KHDRBS3: variants seen among roughly 807,000 people sequenced by gnomAD.
KHDRBS3 encodes the protein KH domain-containing, RNA-binding, signal transduction-associated protein 3.
Under a neutral mutation model 45.6 loss-of-function variants are expected in KHDRBS3, and 23 were observed. The ratio of observed to expected loss-of-function variants is 0.50; its 90% CI spans 0.36 to 0.72. The LOEUF is 0.72. KHDRBS3 is among the 30% of genes least tolerant of loss of function. KHDRBS3 has a pLI of 0.00. For synonymous variants in KHDRBS3, 162 were observed against 156.5 expected, an observed-to-expected ratio of 1.04 and a Z score of -0.26; for missense variants, 352 against 424.8, an observed-to-expected ratio of 0.83 and a Z score of 1.51.
intron 7 of KHDRBS3, among the ~76,000 whole-genome samples, chr8:135,610,151 G>C (rs904758987): frequency 4.6e-5 from 7 of 151,892 alleles, no homozygotes; most frequent in African/African-American, 7.3e-5. Context: ...GCTGTGATCT[G>C]TCAAGGAGAG....
intron 3 of KHDRBS3, among the ~76,000 whole-genome samples, chr8:135,544,169 A>G (rs530567304): frequency 6.6e-6 from 1 of 152,274 alleles, no homozygotes; most frequent in South Asian, 2.1e-4. Context: ...GGGCTGCACG[A>G]TATGAGCAGT....
intron 5 of KHDRBS3, among the ~76,000 whole-genome samples, chr8:135,563,590 C>T (rs192512879): frequency 6.6e-6 from 1 of 152,324 alleles, no homozygotes; most frequent in East Asian, 1.9e-4. Flanking sequence ...ATGTGTCCCT[C>T]GTACCTTGCA....
At chr8:135,546,662 A>T (rs1011862761) in intron 3 of KHDRBS3, among the ~76,000 whole-genome samples, 1 of 152,178 alleles carries the variant, frequency 6.6e-6, no homozygotes, top group Non-Finnish European at 1.5e-5. Context: ...TAACTCCTTT[A>T]TTACTATAAC....
chr8:135,558,396 A>T (rs1054182111), intron 5 of KHDRBS3, among the ~76,000 whole-genome samples: 2 of 152,234 alleles, frequency 1.3e-5, no homozygotes, highest in Non-Finnish European at 2.9e-5. Context: ...CAATTAAACT[A>T]ATGACTATGG....
Position 135,484,534 on chromosome 8 carries a change from G to A in KHDRBS3, c.88+26580G>A, listed in dbSNP as rs577295691. 5.9e-5 allele frequency among the ~76,000 whole-genome samples: 9 copies of A among 152,336 alleles called. No homozygotes were observed. The East Asian group carries it at 9.7e-4, about 16-fold the overall frequency. ...AGTTTCCAGCGGTTGCTCACAACCC[G>A]CCTCTGTGTCTAAAACTTCACCTTT... On this transcript the variant is annotated intron_variant, in intron 1 of 8. Transcript: ENST00000355849.
At chr8:135,482,249 T>C (rs1224915073) in intron 1 of KHDRBS3, among the ~76,000 whole-genome samples, 1 of 152,214 alleles carries the variant, frequency 6.6e-6, no homozygotes, top group Non-Finnish European at 1.5e-5. Flanking sequence ...TAACTTATTA[T>C]AGTGGCTAAA....
intron 7 of KHDRBS3, among the ~76,000 whole-genome samples, chr8:135,620,845 C>T (rs1830109168): frequency 6.6e-6 from 1 of 152,092 alleles, no homozygotes; most frequent in Admixed American, 6.5e-5. Flanking sequence ...TGTCCTCCAG[C>T]GGAACCTGCT....
downstream of KHDRBS3, among the ~76,000 whole-genome samples, chr8:135,651,826 C>G (rs1029549106): frequency 2.6e-5 from 4 of 152,110 alleles, no homozygotes; most frequent in Non-Finnish European, 5.9e-5. Flanking sequence ...CAAGATGATT[C>G]CTAACAGGCA....
At chr8:135,574,372 G>C (rs73712073) in intron 5 of KHDRBS3, among the ~76,000 whole-genome samples, 3 of 152,020 alleles carry the variant, frequency 2.0e-5, no homozygotes, top group African/African-American at 7.3e-5. Flanking sequence ...ATAGATAAGC[G>C]TCCAGAACAA....
intron 5 of KHDRBS3, among the ~76,000 whole-genome samples, chr8:135,581,433 A>C (rs1350887087): frequency 1.3e-5 from 2 of 152,124 alleles, no homozygotes; most frequent in Admixed American, 6.5e-5. Flanking sequence ...GAATTTTGGC[A>C]TATATTTTGG....
chr8:135,512,066 G>A (rs1327536636), intron 1 of KHDRBS3, among the ~76,000 whole-genome samples: 1 of 152,016 alleles, frequency 6.6e-6, no homozygotes, highest in Non-Finnish European at 1.5e-5. Context: ...ATCTAGTTTG[G>A]GTAGTTATAG....
chr8:135,505,642 G>T (rs1563728642), intron 1 of KHDRBS3, among the ~76,000 whole-genome samples: 1 of 152,046 alleles, frequency 6.6e-6, no homozygotes, highest in Non-Finnish European at 1.5e-5. Flanking sequence ...AGTAACAAAA[G>T]GTTAGCAGCA....
chr8:135,571,022 T>G (rs1827676823), intron 5 of KHDRBS3, among the ~76,000 whole-genome samples: 2 of 152,146 alleles, frequency 1.3e-5, no homozygotes, highest in African/African-American at 2.4e-5. Flanking sequence ...TGTTACAAAT[T>G]GGGTAACTTC....
At chr8:135,617,675 G>A (rs2131072977) in intron 7 of KHDRBS3, among the ~76,000 whole-genome samples, 2 of 152,296 alleles carry the variant, frequency 1.3e-5, no homozygotes, top group East Asian at 1.9e-4. Flanking sequence ...GCTAGAGCTG[G>A]CATGTGAACC....
chr8:135,603,141 ACCCTT>A (rs1480842534), intron 6 of KHDRBS3, among the ~76,000 whole-genome samples: 1 of 152,004 alleles, frequency 6.6e-6, no homozygotes, highest in Non-Finnish European at 1.5e-5. Context: ...CTCAGTGCTT[ACCCTT>A]GACATGGCAA....
At chr8:135,517,983 C>A (rs1427007699) in intron 1 of KHDRBS3, among the ~76,000 whole-genome samples, 1 of 152,112 alleles carries the variant, frequency 6.6e-6, no homozygotes. Flanking sequence ...AACAGATGAT[C>A]TGAAACTGTA....
Position 135,583,971 on chromosome 8 carries a change from A to G in KHDRBS3, c.807+1898A>G, listed in dbSNP as rs1477467143. 3.3e-5 allele frequency among the ~76,000 whole-genome samples: 5 copies of G among 152,222 alleles called. No individual in the cohort carries two copies. In the East Asian group the frequency reaches 7.7e-4, roughly 23 times the overall value. ...TTTTGTAAATGATAGGAAAGGCATTAAAACAATTGAATTGAGAAGTATTCT... is the reference window on the plus strand; with the variant it reads ...TTTTGTAAATGATAGGAAAGGCATTGAAACAATTGAATTGAGAAGTATTCT... On this transcript the variant is annotated intron_variant, in intron 6 of 8. Transcript: ENST00000355849.
At chr8:135,498,133 T>TG (rs571335384) in intron 1 of KHDRBS3, among the ~76,000 whole-genome samples, 167 of 151,444 alleles carry the variant, frequency 1.1e-3, no homozygotes, top group African/African-American at 3.9e-3. Flanking sequence ...ACCTCAGAGA[T>TG]GAAAAAAAAA....
intron 1 of KHDRBS3, among the ~76,000 whole-genome samples, chr8:135,463,759 T>C (rs569263253): frequency 6.6e-6 from 1 of 152,266 alleles, no homozygotes; most frequent in African/African-American, 2.4e-5. Flanking sequence ...AAACCGCAAA[T>C]TGAGTGCCAA....
Sources: gnomAD v4.1 joint callset for allele counts (sites outside exome capture counted in the v4.1 genomes callset) on GRCh38, gnomAD v4.1.1 for gene constraint, MANE v1.5 for transcripts, NCBI Gene and HGNC (gene_info 2026-07-23, HGNC 2026-07-21) for gene names.